SCAF11: variants seen among roughly 807,000 people sequenced by gnomAD.
SCAF11 encodes SR-related CTD associated factor 11, also known as protein SCAF11.
In SCAF11, 47 loss-of-function variants were observed where a neutral mutation model predicts 140.5. The ratio of observed to expected loss-of-function variants is 0.33; its 90% confidence interval spans 0.26 to 0.43. The LOEUF (loss-of-function observed/expected upper bound fraction) is 0.43, where lower values mean the gene tolerates loss of function less well. SCAF11 is among the 20% of genes least tolerant of loss of function. The pLI is 1.00. For missense variants in SCAF11, 1,645 were observed against 1,705.1 expected (o/e 0.96, Z 0.62); for synonymous variants, 557 against 579.4 (o/e 0.96, Z 0.55).
intron 6 of SCAF11, among the ~76,000 whole-genome samples, chr12:45,936,105 A>G (rs1165673603): frequency 6.6e-6 from 1 of 151,388 alleles, no homozygotes; most frequent in African/African-American, 2.4e-5. Context: ...TTTACTTATT[A>G]CTAAATAACA....
chr12:45,974,807 T>C (rs989946089), intron 1 of SCAF11: 1 of 154,570 alleles, frequency 6.5e-6, no homozygotes, highest in African/African-American at 2.4e-5. Context: ...TTACGAATGT[T>C]CTTTATGGCA....
rs750780810 is a variant in SCAF11, at chr12:45,927,579, G to A, written c.2122C>T (p.His708Tyr). The A allele has an allele frequency of 6.2e-7, 1 of 1,613,124 alleles. No homozygotes were observed. Among genetic ancestry groups the A allele is most frequent in the Non-Finnish European group, 8.5e-7 (1 of 1,179,940 alleles). Residue 708 changes from histidine to tyrosine, a missense_variant, in exon 11 of 15, where the codon CAT becomes TAT. By Grantham distance (83) the His-to-Tyr change is moderately conservative. Transcript: ENST00000369367. ...ATTTCATTGTTGTCCTCACTAAAAT[G>A]CTTCTGAATCTGTTCAATGTGTGTT... ...PKTHIEQIQKHFSEDNNEMIP... is the reference protein window; with the variant it reads ...PKTHIEQIQKYFSEDNNEMIP...
chr12:45,972,907 T>TC (rs1270150763), intron 1 of SCAF11, among the ~76,000 whole-genome samples: 1 of 91,204 alleles, frequency 1.1e-5, no homozygotes, highest in Non-Finnish European at 2.3e-5. Flanking sequence ...TATATATATA[T>TC]AGATATATAT....
intron 2 of SCAF11, 55 bp downstream of exon 2, chr12:45,964,052 T>C: frequency 4.3e-6 from 4 of 922,704 alleles, no homozygotes; most frequent in Non-Finnish European, 6.9e-6. Flanking sequence ...AGTGGACAGT[T>C]TGGAAACAAC....
At chr12:45,943,657 C>T (rs1322888978) in intron 6 of SCAF11, among the ~76,000 whole-genome samples, 4 of 152,128 alleles carry the variant, frequency 2.6e-5, no homozygotes, top group African/African-American at 9.7e-5. Flanking sequence ...ATACCCAGTT[C>T]CCTTCAAATC....
intron 1 of SCAF11, among the ~76,000 whole-genome samples, chr12:45,982,631 G>T (rs1439762472): frequency 6.6e-6 from 1 of 152,128 alleles, no homozygotes; most frequent in African/African-American, 2.4e-5. Flanking sequence ...CTTGAACTTG[G>T]GAAGCAAAGG....
chr12:45,922,222 T>A, intron 14 of SCAF11, 28 bp from the exon 15 acceptor site: 1 of 1,580,980 alleles, frequency 6.3e-7, no homozygotes, highest in Non-Finnish European at 8.5e-7. Context: ...GGGGGTAAAC[T>A]TTTTTCATGC....
At chr12:45,954,263 G>C (rs1244258701) in intron 3 of SCAF11, among the ~76,000 whole-genome samples, 1 of 151,616 alleles carries the variant, frequency 6.6e-6, no homozygotes, top group Non-Finnish European at 1.5e-5. Flanking sequence ...ACAGGGTCTT[G>C]CTCTGTCCCC....
intron 4 of SCAF11, among the ~76,000 whole-genome samples, chr12:45,949,376 A>G (rs1945497788): frequency 6.6e-6 from 1 of 152,136 alleles, no homozygotes; most frequent in Non-Finnish European, 1.5e-5. Flanking sequence ...TCTCAATAAT[A>G]ATTTTAAAAT....
intron 6 of SCAF11, among the ~76,000 whole-genome samples, chr12:45,939,566 CGCAT>C (rs1426206313): frequency 2.0e-5 from 3 of 152,026 alleles, no homozygotes; most frequent in Non-Finnish European, 2.9e-5. Flanking sequence ...GGCATGGTGG[CGCAT>C]GCCTGTAATC....
At chr12:45,933,814 C>T (rs1296589005) in intron 8 of SCAF11, among the ~76,000 whole-genome samples, 2 of 152,098 alleles carry the variant, frequency 1.3e-5, no homozygotes, top group Non-Finnish European at 2.9e-5. Flanking sequence ...ACATGCCAGT[C>T]ACTAGGATTC....
At chr12:45,939,764 G>A (rs1268001259) in intron 6 of SCAF11, among the ~76,000 whole-genome samples, 3 of 152,172 alleles carry the variant, frequency 2.0e-5, no homozygotes, top group Non-Finnish European at 4.4e-5. Context: ...AAGTAGAGTT[G>A]CTTCTAAAAT....
At chr12:45,954,189 C>T (rs1159958667) in intron 3 of SCAF11, among the ~76,000 whole-genome samples, 1 of 152,192 alleles carries the variant, frequency 6.6e-6, no homozygotes, top group Non-Finnish European at 1.5e-5. Context: ...ATTTCCTCTA[C>T]TGACATCAGC....
intron 3 of SCAF11, among the ~76,000 whole-genome samples, chr12:45,953,198 T>C (rs761290534): frequency 7.2e-4 from 110 of 152,322 alleles, no homozygotes; most frequent in African/African-American, 2.3e-3. Context: ...ACTTTCCCTA[T>C]AGAAAACTTG....
At position 45,923,095 on chromosome 12, in the gene SCAF11, C is replaced by T. The variant is rs754322684; in HGVS notation, c.3966G>A (p.Pro1322=). ...TTCCCGTATTTCCTGGGGCTGCTGT[C>T]GGAGCAGGCAAAACTGGTGTACTCA... ...NNMSTPVLPA[P]TAAPGNTGMV... Residue 1322 remains proline (P), a synonymous_variant, in exon 13 of 15, where the codon CCG becomes CCA. Coordinates refer to ENST00000369367, the MANE Select transcript of SCAF11 (RefSeq NM_004719.3). The T allele has an allele frequency of 1.3e-5, 21 of 1,613,948 alleles. No homozygotes were observed. The highest frequency in any genetic ancestry group is 2.2e-5 in the South Asian group (2 of 91,078).
intron 1 of SCAF11, among the ~76,000 whole-genome samples, chr12:45,965,418 A>G (rs1221524513): frequency 6.6e-6 from 1 of 152,198 alleles, no homozygotes; most frequent in Non-Finnish European, 1.5e-5. Context: ...AAAAATGAGA[A>G]AAGTGGGAAA....
chr12:45,927,431 A>G lies in SCAF11; in HGVS notation c.2270T>C (p.Met757Thr). ...TTCATCCGCAAGATCAGAAGACGGCATATTATTTTCAGAACAGTGTGTCAC... is the reference window on the plus strand; with the variant it reads ...TTCATCCGCAAGATCAGAAGACGGCGTATTATTTTCAGAACAGTGTGTCAC... ...NSVTHCSENN[M>T]PSSDLADEKV... Residue 757 changes from methionine (M) to threonine (T), a missense_variant, in exon 11 of 15, where the codon ATG (methionine) becomes ACG (threonine). Met to Thr is a moderately conservative substitution (Grantham distance 81). This residue lies in a region of SCAF11 where 1,582 missense variants were observed against 1,609.2 expected (regional missense o/e 0.98). Coordinates refer to ENST00000369367, the MANE Select transcript of SCAF11 (RefSeq NM_004719.3). 8.1e-6 allele frequency: 13 copies of G among 1,613,684 alleles called. No individual in the cohort carries two copies. Among genetic ancestry groups the G allele is most frequent in the Non-Finnish European group, 1.1e-5 (13 of 1,179,890 alleles).
At chr12:45,990,090 G>A (rs1309855800) in intron 1 of SCAF11, among the ~76,000 whole-genome samples, 2 of 152,036 alleles carry the variant, frequency 1.3e-5, no homozygotes, top group Non-Finnish European at 2.9e-5. Context: ...GAGAGGCGGC[G>A]GCGGCCCAGG....
chr12:45,974,007 G>A (rs1472501157), intron 1 of SCAF11, among the ~76,000 whole-genome samples: 1 of 152,112 alleles, frequency 6.6e-6, no homozygotes, highest in Non-Finnish European at 1.5e-5. Flanking sequence ...TTCCAATACA[G>A]GCATATATAC....
Sources: allele counts gnomAD v4.1 joint callset (sites outside exome capture counted in the v4.1 genomes callset), GRCh38; gene constraint gnomAD v4.1.1; regional missense constraint gnomAD v4.1.1; transcripts MANE v1.5; gene names NCBI Gene and HGNC (gene_info 2026-07-23, HGNC 2026-07-21).